The following GNPDA1 variants were observed in gnomAD, a reference collection of about 807,000 sequenced individuals.
GNPDA1 encodes GNPDA 1.
Under a neutral mutation model 28.5 loss-of-function variants are expected in GNPDA1, and 24 were observed. The observed-to-expected ratio is 0.84, with a 90% CI of 0.61 to 1.19. GNPDA1 has a LOEUF of 1.19. Ranked by LOEUF, GNPDA1 falls within the 50% of genes most tolerant of loss-of-function variation. GNPDA1 has a pLI of 0.00. For missense variants in GNPDA1, 264 were observed against 367.3 expected (o/e 0.72, Z 2.30); for synonymous variants, 147 against 139.3 (o/e 1.06, Z -0.39).
Position 142,011,918 on chromosome 5 carries a change from GGAGCCCCAGGGT to G in GNPDA1, c.106_117del (p.Thr36_Leu39del), listed in dbSNP as rs759059386. 1 of 1,614,062 alleles carries G rather than the reference GGAGCCCCAGGGT, an allele frequency of 6.2e-7. No individual in the cohort carries two copies. Among genetic ancestry groups the G allele is most frequent in the Non-Finnish European group, 8.5e-7 (1 of 1,179,938 alleles). ...TCTCCATCCAAGAACGCACCAGTGGGGAGCCCCAGGGTGAAGTACTTCTCTGGCCCTGGGTTA... is the reference window on the plus strand; with the variant it reads ...TCTCCATCCAAGAACGCACCAGTGGGGAAGTACTTCTCTGGCCCTGGGTTA... On this transcript the variant is annotated inframe_deletion, in exon 2 of 7. Coordinates refer to ENST00000311337, the MANE Select transcript of GNPDA1 (RefSeq NM_005471.5).
intron 3 of GNPDA1, among the ~76,000 whole-genome samples, chr5:142,006,789 G>C (rs1755816273): frequency 6.6e-6 from 1 of 150,748 alleles, no homozygotes; most frequent in African/African-American, 2.4e-5. Context: ...CAGGTGGTTA[G>C]AGAGAACTAT....
At chr5:142,010,811 G>C (rs1210752480) in intron 2 of GNPDA1, among the ~76,000 whole-genome samples, 1 of 151,918 alleles carries the variant, frequency 6.6e-6, no homozygotes, top group Non-Finnish European at 1.5e-5. Context: ...ACCATGCCTG[G>C]CCTGGTTTTT....
In GNPDA1 at chr5:142,002,034, C is replaced by T; in HGVS notation, c.865G>A (p.Asp289Asn). The change falls in exon 7 of 7, where the codon GAT (aspartate) becomes AAT (asparagine). Residue 289 changes from aspartate (D) to asparagine (N), a missense_variant. Coordinates refer to ENST00000311337, the MANE Select transcript of GNPDA1 (RefSeq NM_005471.5). ...KSQSSKKPYS[D>N] ...ACACTAGGTCCCAGCACAGGCTAAT[C>T]GCTGTATGGTTTCTTCGAAGATTGG... The T allele has an allele frequency of 6.5e-7, 1 of 1,546,680 alleles. No homozygotes were observed. Among genetic ancestry groups the T allele is most frequent in the Non-Finnish European group, 8.9e-7 (1 of 1,118,806 alleles).
intron 2 of GNPDA1, among the ~76,000 whole-genome samples, chr5:142,010,658 C>G (rs540468873): frequency 2.8e-4 from 43 of 151,194 alleles, no homozygotes; most frequent in African/African-American, 1.0e-3. Flanking sequence ...GGACTACAGG[C>G]ATGTGCCACC....
Position 142,005,043 on chromosome 5 carries a change from C to G in GNPDA1, c.483G>C (p.Thr161=). The change falls in exon 5 of 7, where the codon ACG becomes ACC. Residue 161 remains threonine, a synonymous_variant. Coordinates refer to ENST00000311337, the MANE Select transcript of GNPDA1 (RefSeq NM_005471.5). ...TGGCCAGGATGGTATCCATGGCCAG[C>G]GTCTTCACACGGGTCCTGGACACCA... ...SSLVSRTRVK[T]LAMDTILANA... The G allele has an allele frequency of 1.2e-6, 2 of 1,613,392 alleles. No homozygotes were observed. The highest frequency in any genetic ancestry group is 1.7e-6 in the Non-Finnish European group (2 of 1,179,464).
chr5:142,004,818 T>A lies in GNPDA1; in HGVS notation c.594+114A>T, dbSNP rs1222815597. The A allele has an allele frequency of 4.6e-6, 3 of 657,164 alleles. No individual in the cohort carries two copies. The African/African-American group carries it at 5.4e-5, about 12-fold the overall frequency. 40.7% of individuals were successfully genotyped at this position (657,164 alleles called of 1,614,324 possible). On this transcript the variant is annotated intron_variant, in intron 5 of 6. Transcript: ENST00000311337. Reference sequence around the variant, plus strand: ...AACAGGGTCAGCAGGGATTTTAGCCTTATTTACCATGCCTTCATCTTTAAT... The same window carrying A: ...AACAGGGTCAGCAGGGATTTTAGCCATATTTACCATGCCTTCATCTTTAAT...
chr5:142,009,011 A>G (rs1014932370), intron 2 of GNPDA1, among the ~76,000 whole-genome samples: 1 of 152,160 alleles, frequency 6.6e-6, no homozygotes, highest in East Asian at 1.9e-4. Context: ...ATTTAGAGAT[A>G]AGTGTCAGGA....
At chr5:142,005,248 CCCTGGGCAGGTACA>C in intron 4 of GNPDA1, 132 bp from the exon 5 acceptor site, 1 of 670,454 alleles carries the variant, frequency 1.5e-6, no homozygotes, top group Middle Eastern at 4.2e-4. Context: ...TCATTTGCAG[CCCTGGGCAGGTACA>C]CCTTAAACAT....
chr5:142,002,971 ATTTC>A lies in GNPDA1; in HGVS notation c.769+113_769+116del, dbSNP rs1248739835. The A allele has an allele frequency of 1.2e-5, 9 of 782,172 alleles. No homozygotes were observed. The African/African-American group carries it at 1.6e-4, about 14-fold the overall frequency. The allele number at this position is 782,172 out of a possible 1,614,324, so 48.5% of individuals were successfully genotyped here. ...GTAGTGTGATGCAGTTGGGTTTGAT[ATTTC>A]TTAAGATTACAGTTGTCAATTAAAA... On this transcript the variant is annotated intron_variant, in intron 6 of 6. Coordinates refer to ENST00000311337, the MANE Select transcript of GNPDA1 (RefSeq NM_005471.5).
chr5:142,002,815 C>T (rs1755708211), intron 6 of GNPDA1, among the ~76,000 whole-genome samples: 1 of 152,086 alleles, frequency 6.6e-6, no homozygotes, highest in Admixed American at 6.6e-5. Context: ...AAGAGAAAAC[C>T]TGAGGCTTAA....
rs1596732840 is a variant in GNPDA1 at position 142,003,179 on chromosome 5, C to T, written c.678G>A (p.Val226=). 2 of 1,614,078 alleles carry T rather than the reference C, an allele frequency of 1.2e-6. No individual in the cohort carries two copies. Among genetic ancestry groups the T allele is most frequent in the East Asian group, 4.5e-5 (2 of 44,880 alleles). ...TGCGGGGATGCTGCTGGAAGGCAGA[C>T]ACGGTCCACATGTGGTTCACTCCCT... The part of the protein sequence containing the change: ...IEEGVNHMWT[V]SAFQQHPRTV... Residue 226 remains valine, a synonymous_variant, in exon 6 of 7, where the codon GTG becomes GTA. Transcript: ENST00000311337. This position sits in a 1 kb window ranked among gnomAD's most constrained non-coding sequence, Gnocchi z 4.0.
chr5:142,011,864 TACTCTCTCC>T (rs770339846), intron 2 of GNPDA1, 39 bp downstream of exon 2: 3 of 1,607,676 alleles, frequency 1.9e-6, no homozygotes, highest in East Asian at 4.5e-5. Flanking sequence ...CCCTGTTGCC[TACTCTCTCC>T]ACCCTTATCC....
chr5:142,001,870 G>A lies in GNPDA1; in HGVS notation c.*159C>T, dbSNP rs1291174406. 19 of 437,868 alleles carry A rather than the reference G, an allele frequency of 4.3e-5. No individual in the cohort carries two copies. Among genetic ancestry groups the A allele is most frequent in the East Asian group, 2.4e-4 (7 of 28,902 alleles). The allele number at this position is 437,868 out of a possible 1,614,324, so 27.1% of individuals were successfully genotyped here. On this transcript the variant is annotated 3_prime_UTR_variant, in exon 7 of 7. Transcript: ENST00000311337. The stretch of plus-strand genomic sequence containing the variant: ...AACATTCTCCCTATAGCTAAACTCC[G>A]TGACTAGGCTCCCAGCCTCATGGCC...
chr5:142,002,216 A>C, intron 6 of GNPDA1, 87 bp from the exon 7 acceptor site: 1 of 696,410 alleles, frequency 1.4e-6, no homozygotes, highest in Admixed American at 2.7e-5. Flanking sequence ...GGAGCTCTCA[A>C]ATTTTGTCTT....
intron 2 of GNPDA1, 193 bp downstream of exon 2, chr5:142,011,713 GCAGGGA>G: frequency 1.9e-6 from 1 of 515,446 alleles, no homozygotes; most frequent in Non-Finnish European, 3.5e-6. Context: ...CCAGGATTCT[GCAGGGA>G]CAGGCAGCGA....
intron 2 of GNPDA1, among the ~76,000 whole-genome samples, chr5:142,011,455 T>C (rs966687644): frequency 6.6e-6 from 1 of 152,230 alleles, no homozygotes; most frequent in African/African-American, 2.4e-5. Flanking sequence ...AGAACTGTTT[T>C]TTATTTAGGT....
At chr5:142,002,889 G>A (rs1755710356) in intron 6 of GNPDA1, among the ~76,000 whole-genome samples, 199 bp downstream of exon 6, 1 of 152,218 alleles carries the variant, frequency 6.6e-6, no homozygotes, top group Admixed American at 6.5e-5. Context: ...CCTCCTCAGA[G>A]CAAACAGATC....
At chr5:142,002,879 CCT>C (rs1469079769) in intron 6 of GNPDA1, among the ~76,000 whole-genome samples, 3 of 152,234 alleles carry the variant, frequency 2.0e-5, no homozygotes, top group African/African-American at 7.2e-5. Context: ...TTTCTTTCCT[CCT>C]CCTCAGAGCA....
Position 142,003,067 on chromosome 5 carries a change from C to T in GNPDA1, c.769+21G>A, listed in dbSNP as rs188563599. The T allele has an allele frequency of 8.1e-6, 13 of 1,602,978 alleles. No individual in the cohort carries two copies. In the Admixed American group the frequency reaches 1.5e-4, roughly 19 times the overall value. ...ACACCCTAAGCTTGACCACCTCCTC[C>T]TGGACCCACACCTCCCTCACCTTTG... On this transcript the variant is annotated intron_variant, in intron 6 of 6. Transcript: ENST00000311337. The surrounding 1 kb of genome is among the most constrained non-coding windows in gnomAD (Gnocchi z 4.0).
Sources: allele counts gnomAD v4.1 joint callset (sites outside exome capture counted in the v4.1 genomes callset), GRCh38; gene constraint gnomAD v4.1.1; non-coding constraint Gnocchi (gnomAD v3.1); transcripts MANE v1.5; gene names NCBI Gene and HGNC (gene_info 2026-07-23, HGNC 2026-07-21).